Variants in NKAIN2 observed in about 807,000 individuals in gnomAD.
The protein encoded by NKAIN2 is sodium/potassium-transporting ATPase subunit beta-1-interacting protein 2.
NKAIN2 carries 14 observed loss-of-function variants against 32.6 expected under a neutral mutation model. The observed-to-expected ratio is 0.43, with a 90% CI of 0.28 to 0.67. The LOEUF (loss-of-function observed/expected upper bound fraction) is 0.67. Ranked by LOEUF, NKAIN2 falls within the 30% of genes least tolerant of loss-of-function variation. The pLI, the probability that NKAIN2 is intolerant of heterozygous loss-of-function variation, is 0.17. For synonymous variants in NKAIN2, 80 were observed against 87.2 expected, an observed-to-expected ratio of 0.92 and a Z score of 0.46; for missense variants, 198 against 258.3, an observed-to-expected ratio of 0.77 and a Z score of 1.60.
At chr6:123,976,898 G>A (rs1460282427) in intron 1 of NKAIN2, among the ~76,000 whole-genome samples, 1 of 152,146 alleles carries the variant, frequency 6.6e-6, no homozygotes, top group East Asian at 1.9e-4. Context: ...TAGAAGAATA[G>A]GTAAGAAAGT....
chr6:124,784,235 T>G (rs553911762), intron 4 of NKAIN2, among the ~76,000 whole-genome samples: 4 of 152,308 alleles, frequency 2.6e-5, no homozygotes, highest in East Asian at 1.9e-4. Flanking sequence ...TGTTTACACT[T>G]TACCCAGTTT....
chr6:124,487,369 A>T (rs993476527), intron 3 of NKAIN2, among the ~76,000 whole-genome samples: 1 of 152,190 alleles, frequency 6.6e-6, no homozygotes, highest in African/African-American at 2.4e-5. Flanking sequence ...GGTCCAGTAA[A>T]AGTCGCTTTA....
chr6:124,334,447 A>G (rs377748227), intron 2 of NKAIN2, among the ~76,000 whole-genome samples: 9 of 152,220 alleles, frequency 5.9e-5, no homozygotes, highest in African/African-American at 1.9e-4. Context: ...TTTGGAGACT[A>G]AGGTTTCTTA....
At chr6:124,341,555 ATTAAAC>A (rs1375039889) in intron 2 of NKAIN2, among the ~76,000 whole-genome samples, 1 of 152,200 alleles carries the variant, frequency 6.6e-6, no homozygotes, top group East Asian at 1.9e-4. Flanking sequence ...TTTAAAATGA[ATTAAAC>A]TTAATCATTA....
At position 124,578,253 on chromosome 6, in the gene NKAIN2, A is replaced by G. The variant is rs1174989362; in HGVS notation, c.274-79933A>G. Among the ~76,000 whole-genome samples, 9 of 152,158 alleles carry G rather than the reference A, an allele frequency of 5.9e-5. No homozygotes were observed. In the East Asian group the frequency reaches 1.8e-3, roughly 30 times the overall value. On this transcript the variant is annotated intron_variant, in intron 3 of 6. Coordinates refer to ENST00000368417, the MANE Select transcript of NKAIN2 (RefSeq NM_001040214.3). ...TCTGTCACAGTTAGGTAGAGTACCAAGCAGGATCTTGGGGTCCCTGATTCT... is the reference window on the plus strand; with the variant it reads ...TCTGTCACAGTTAGGTAGAGTACCAGGCAGGATCTTGGGGTCCCTGATTCT...
intron 2 of NKAIN2, among the ~76,000 whole-genome samples, chr6:124,294,406 C>A (rs1795960242): frequency 6.6e-6 from 1 of 152,080 alleles, no homozygotes; most frequent in South Asian, 2.1e-4. Flanking sequence ...GTCTGTTTGT[C>A]AAATAATAAT....
intron 4 of NKAIN2, among the ~76,000 whole-genome samples, chr6:124,771,489 A>G (rs1490299503): frequency 6.6e-6 from 1 of 152,176 alleles, no homozygotes; most frequent in Admixed American, 6.6e-5. Flanking sequence ...AATATATGTA[A>G]GCATTACAAA....
At chr6:124,241,166 C>G (rs1027035227) in intron 1 of NKAIN2, among the ~76,000 whole-genome samples, 18 of 152,166 alleles carry the variant, frequency 1.2e-4, no homozygotes, top group African/African-American at 4.3e-4. Context: ...AATAAAATAC[C>G]TAGAAATACA....
rs147260454 is a variant in NKAIN2, at chr6:124,433,670, G to A, written c.273+78323G>A. Among the ~76,000 whole-genome samples, 402 of 152,176 alleles carry A rather than the reference G, an allele frequency of 2.6e-3. 1 individual carries two copies. The highest frequency in any genetic ancestry group is 9.4e-3 in the African/African-American group (390 of 41,530). On this transcript the variant is annotated intron_variant, in intron 3 of 6. Coordinates refer to ENST00000368417, the MANE Select transcript of NKAIN2 (RefSeq NM_001040214.3). ...TTACTAGCTGGGGAATGGGAAGGGG[G>A]CTGAGATTTGGTGCCAGGTGAATCG... is the stretch of plus-strand genomic sequence containing the variant.
chr6:124,367,562 TC>T (rs1315995637), intron 3 of NKAIN2, among the ~76,000 whole-genome samples: 1 of 152,192 alleles, frequency 6.6e-6, no homozygotes, highest in Non-Finnish European at 1.5e-5. Context: ...CACTTTGATA[TC>T]TTTTTAATTA....
intron 2 of NKAIN2, among the ~76,000 whole-genome samples, chr6:124,352,642 T>A (rs751120852): frequency 7.2e-5 from 11 of 152,238 alleles, no homozygotes; most frequent in Non-Finnish European, 1.2e-4. Flanking sequence ...TAAATAGTGT[T>A]TATTTAGCTC....
At position 124,809,993 on chromosome 6, in the gene NKAIN2, T is replaced by G. The variant is rs560221304; in HGVS notation, c.536-8394T>G. ...AAAAAGTCAGGAAACAACAGGTGCT[T>G]GAGAGGATGTGGAGAAATAGGAACA... On this transcript the variant is annotated intron_variant, in intron 5 of 6. Transcript: ENST00000368417. Among the ~76,000 whole-genome samples, 48 of 152,168 alleles carry G rather than the reference T, an allele frequency of 3.2e-4. 1 individual carries two copies. Among genetic ancestry groups the G allele is most frequent in the South Asian group, 1.5e-3 (7 of 4,812 alleles).
At position 123,804,209 on chromosome 6, in the gene NKAIN2, T is replaced by C. The variant is rs752662766; in HGVS notation, c.9T>C (p.Tyr3=). The C allele has an allele frequency of 7.4e-6, 12 of 1,614,068 alleles. No homozygotes were observed. Among genetic ancestry groups the C allele is most frequent in the South Asian group, 4.4e-5 (4 of 91,082 alleles). The change falls in exon 1 of 7, where the codon TAT becomes TAC. Residue 3 remains tyrosine (Y), a synonymous_variant. Transcript: ENST00000368417. The part of the protein sequence containing the change: MG[Y]CSGRCTLIFI... Reference sequence around the variant, plus strand: ...CAGGGGTCTCGGAAACCATGGGTTATTGCAGTGGCAGGTGCACGCTTATCT... The same window carrying C: ...CAGGGGTCTCGGAAACCATGGGTTACTGCAGTGGCAGGTGCACGCTTATCT...
chr6:124,159,861 C>T (rs1788185398), intron 1 of NKAIN2, among the ~76,000 whole-genome samples: 1 of 152,158 alleles, frequency 6.6e-6, no homozygotes. Context: ...CCATGAAATA[C>T]AGACAGCCAT....
rs1482067898 is a variant in NKAIN2 at position 124,283,160 on chromosome 6, C to T, written c.192+18C>T. 4 of 1,578,736 alleles carry T rather than the reference C, an allele frequency of 2.5e-6. No individual in the cohort carries two copies. The highest frequency in any genetic ancestry group is 2.7e-5 in the African/African-American group (2 of 74,128). On this transcript the variant is annotated intron_variant, in intron 2 of 6. Coordinates refer to ENST00000368417, the MANE Select transcript of NKAIN2 (RefSeq NM_001040214.3). ...TAACAGGAGTAAGTACATTTTCTGC[C>T]TTTTAAAAATCTTATTGAACTAGAG...
At chr6:124,548,127 C>G (rs1000068567) in intron 3 of NKAIN2, among the ~76,000 whole-genome samples, 1 of 152,108 alleles carries the variant, frequency 6.6e-6, no homozygotes, top group African/African-American at 2.4e-5. Flanking sequence ...TGCCACAATT[C>G]TTAAGCAAAA....
intron 3 of NKAIN2, among the ~76,000 whole-genome samples, chr6:124,444,859 GGAAT>G (rs1425586098): frequency 6.6e-6 from 1 of 151,802 alleles, no homozygotes; most frequent in Non-Finnish European, 1.5e-5. Flanking sequence ...TTTCTTATTA[GGAAT>G]GAATCTCATG....
At chr6:124,482,862 C>A (rs890011062) in intron 3 of NKAIN2, among the ~76,000 whole-genome samples, 8 of 152,140 alleles carry the variant, frequency 5.3e-5, no homozygotes, top group African/African-American at 9.7e-5. Flanking sequence ...TGGCTGGGCG[C>A]GGTGGCTCAC....
chr6:124,514,576 T>C (rs568886480), intron 3 of NKAIN2, among the ~76,000 whole-genome samples: 1 of 152,204 alleles, frequency 6.6e-6, no homozygotes, highest in African/African-American at 2.4e-5. Context: ...ACTGCTAGTA[T>C]TTAGTTATGC....
Sources: gnomAD v4.1 joint callset for allele counts (sites outside exome capture counted in the v4.1 genomes callset) on GRCh38, gnomAD v4.1.1 for gene constraint, MANE v1.5 for transcripts, NCBI Gene and HGNC (gene_info 2026-07-23, HGNC 2026-07-21) for gene names.